The following SGCD variants were observed in gnomAD, a reference collection of about 807,000 sequenced individuals.
SGCD encodes the protein sarcoglycan delta.
A neutral mutation model predicts 36.6 loss-of-function variants in SGCD; 18 were observed. The ratio of observed to expected loss-of-function variants is 0.49; its 90% CI spans 0.34 to 0.73. The LOEUF (loss-of-function observed/expected upper bound fraction) is 0.73. Ranked by LOEUF, SGCD falls within the 30% of genes least tolerant of loss-of-function variation. The pLI is 0.01. For synonymous variants in SGCD, 133 were observed against 130.6 expected, an observed-to-expected ratio of 1.02 and a Z score of -0.12; for missense variants, 387 against 346.7, an observed-to-expected ratio of 1.12 and a Z score of -0.92.
chr5:156,607,628 C>T (rs371117869), intron 6 of SGCD, among the ~76,000 whole-genome samples: 1 of 152,198 alleles, frequency 6.6e-6, no homozygotes. Context: ...ATGGTACCAG[C>T]TCCTCTTTGT....
At chr5:156,595,236 A>C (rs540209592) in intron 6 of SGCD, among the ~76,000 whole-genome samples, 185 bp downstream of exon 6, 1 of 152,236 alleles carries the variant, frequency 6.6e-6, no homozygotes, top group East Asian at 1.9e-4. Context: ...TTGAGCCCTC[A>C]TGAATGGGAT....
At chr5:156,383,975 TTC>T (rs1334413295) in intron 3 of SGCD, among the ~76,000 whole-genome samples, 1 of 152,230 alleles carries the variant, frequency 6.6e-6, no homozygotes, top group Non-Finnish European at 1.5e-5. Context: ...ATGTCAAGTC[TTC>T]TCTCATGCTC....
chr5:156,605,567 A>G (rs915487900), intron 6 of SGCD, among the ~76,000 whole-genome samples: 7 of 152,226 alleles, frequency 4.6e-5, no homozygotes, highest in African/African-American at 7.2e-5. Context: ...TATACCCAGT[A>G]ATGGGATGGC....
chr5:156,622,387 G>T (rs1357285042), intron 6 of SGCD, among the ~76,000 whole-genome samples: 2 of 150,376 alleles, frequency 1.3e-5, no homozygotes, highest in Non-Finnish European at 3.0e-5. Context: ...GAGCCGAGAT[G>T]GCACCACTGC....
At chr5:155,780,604 G>C in the SGCD span, among the ~76,000 whole-genome samples, 16 of 152,136 alleles carry the variant, frequency 1.1e-4, no homozygotes, top group Admixed American at 6.5e-4. Flanking sequence ...GAATTGATGA[G>C]AGCACCAGCA....
chr5:156,271,374 G>A (rs1156903116), intron 3 of SGCD, among the ~76,000 whole-genome samples: 2 of 152,168 alleles, frequency 1.3e-5, no homozygotes, highest in African/African-American at 4.8e-5. Flanking sequence ...AGGTTCGTCT[G>A]GTCTTATCTG....
chr5:155,791,644 A>G, the SGCD span, among the ~76,000 whole-genome samples: 1 of 152,082 alleles, frequency 6.6e-6, no homozygotes, highest in Non-Finnish European at 1.5e-5. Context: ...AATCAAGAAC[A>G]CAGTCCCATT....
chr5:156,335,135 T>A (rs1768278101), intron 2 of SGCD, among the ~76,000 whole-genome samples: 1 of 152,224 alleles, frequency 6.6e-6, no homozygotes, highest in Non-Finnish European at 1.5e-5. Context: ...TGCTAATTCC[T>A]GGTAGAAATA....
the SGCD span, among the ~76,000 whole-genome samples, chr5:155,804,911 T>C: frequency 1.2e-4 from 18 of 152,182 alleles, no homozygotes; most frequent in Non-Finnish European, 1.9e-4. Flanking sequence ...GTAATTCTCA[T>C]GGGGTTTAGA....
intron 3 of SGCD, among the ~76,000 whole-genome samples, chr5:156,298,576 C>CTTTTTTT (rs924228753): frequency 2.8e-4 from 31 of 110,508 alleles, no homozygotes; most frequent in African/African-American, 5.6e-4. Flanking sequence ...TTTTTCTTTT[C>CTTTTTTT]TTTTTTTTTT....
At chr5:156,371,251 G>A (rs893301255) in intron 3 of SGCD, among the ~76,000 whole-genome samples, 2 of 152,192 alleles carry the variant, frequency 1.3e-5, no homozygotes, top group Admixed American at 1.3e-4. Flanking sequence ...TGGTTTTTGA[G>A]TTTTTTATTA....
intron 3 of SGCD, among the ~76,000 whole-genome samples, chr5:156,318,485 C>G (rs984551640): frequency 1.3e-5 from 2 of 152,108 alleles, no homozygotes; most frequent in Non-Finnish European, 2.9e-5. Context: ...CAACCACTCA[C>G]TAAATATGAG....
chr5:156,177,952 A>G (rs1020706943), intron 3 of SGCD, among the ~76,000 whole-genome samples: 3 of 152,254 alleles, frequency 2.0e-5, no homozygotes, highest in African/African-American at 7.2e-5. Context: ...TATTGAAAAT[A>G]TAAGAAGTCA....
intron 3 of SGCD, among the ~76,000 whole-genome samples, chr5:156,433,036 A>T (rs1753091889): frequency 6.6e-6 from 1 of 152,196 alleles, no homozygotes; most frequent in African/African-American, 2.4e-5. Context: ...TCAAAATTAT[A>T]TCACAGAATT....
intron 2 of SGCD, among the ~76,000 whole-genome samples, chr5:156,118,254 T>C (rs1424148973): frequency 1.3e-5 from 2 of 152,128 alleles, no homozygotes; most frequent in Non-Finnish European, 2.9e-5. Context: ...TGCACTGGCA[T>C]GCATGGAAGC....
intron 3 of SGCD, among the ~76,000 whole-genome samples, chr5:156,436,351 A>G (rs976917523): frequency 6.6e-6 from 1 of 152,208 alleles, no homozygotes; most frequent in African/African-American, 2.4e-5. Flanking sequence ...GTATTTGTTG[A>G]ATGAATAAAT....
At chr5:156,592,851 G>A (rs1279395541) in intron 5 of SGCD, among the ~76,000 whole-genome samples, 1 of 152,126 alleles carries the variant, frequency 6.6e-6, no homozygotes, top group Non-Finnish European at 1.5e-5. Flanking sequence ...GAGGGCTGGT[G>A]TGGACACACT....
chr5:155,940,552 A>T (rs1465767536), intron 1 of SGCD, among the ~76,000 whole-genome samples: 1 of 152,204 alleles, frequency 6.6e-6, no homozygotes, highest in East Asian at 1.9e-4. Context: ...AGTAAGTACT[A>T]AAAACATTAA....
intron 4 of SGCD, among the ~76,000 whole-genome samples, chr5:156,528,795 G>C (rs773642241): frequency 7.2e-5 from 11 of 152,156 alleles, no homozygotes; most frequent in Non-Finnish European, 1.3e-4. Flanking sequence ...GTTGAGCTGT[G>C]TGTTATAGAT....
Sources: allele counts gnomAD v4.1 joint callset (sites outside exome capture counted in the v4.1 genomes callset), GRCh38; gene constraint gnomAD v4.1.1; transcripts MANE v1.5; gene names NCBI Gene and HGNC (gene_info 2026-07-23, HGNC 2026-07-21).